Variants in MACROD2 observed in about 807,000 individuals in gnomAD.
MACROD2 encodes the protein mono-ADP ribosylhydrolase 2.
Under a neutral mutation model 70.4 loss-of-function variants are expected in MACROD2, and 36 were observed. The ratio of observed to expected loss-of-function variants is 0.51; its 90% CI spans 0.39 to 0.68. The LOEUF (loss-of-function observed/expected upper bound fraction) is 0.68, where lower values mean the gene tolerates loss of function less well. Ranked by LOEUF, MACROD2 falls within the 30% of genes least tolerant of loss-of-function variation. MACROD2 has a pLI of 0.00. For synonymous variants in MACROD2, 172 were observed against 178.8 expected (o/e 0.96, Z 0.30); for missense variants, 496 against 538.4 (o/e 0.92, Z 0.78).
At chr20:15,818,029 C>G (rs2063896482) in intron 8 of MACROD2, among the ~76,000 whole-genome samples, 3 of 152,088 alleles carry the variant, frequency 2.0e-5, no homozygotes, top group Admixed American at 2.0e-4. Context: ...TTGGGGAACC[C>G]TTGCTCATTG....
intron 6 of MACROD2, among the ~76,000 whole-genome samples, chr20:15,365,114 C>T (rs2045389860): frequency 6.6e-6 from 1 of 151,882 alleles, no homozygotes; most frequent in Non-Finnish European, 1.5e-5. Flanking sequence ...TTGTACCACA[C>T]ATTAGTTTTT....
At chr20:14,443,362 T>A (rs2084147497) in intron 3 of MACROD2, among the ~76,000 whole-genome samples, 1 of 149,788 alleles carries the variant, frequency 6.7e-6, no homozygotes, top group Middle Eastern at 3.2e-3. Context: ...AGTGGCATAA[T>A]CTCGGCTCAC....
At chr20:14,157,205 G>C (rs77622941) in intron 3 of MACROD2, among the ~76,000 whole-genome samples, 2 of 152,130 alleles carry the variant, frequency 1.3e-5, no homozygotes, top group East Asian at 3.8e-4. Flanking sequence ...GCAAGGTATA[G>C]TAGCGCTGAA....
chr20:14,652,698 A>T (rs1985739631), intron 4 of MACROD2, among the ~76,000 whole-genome samples: 1 of 152,218 alleles, frequency 6.6e-6, no homozygotes, highest in Non-Finnish European at 1.5e-5. Context: ...AAAGATGGCA[A>T]AATGACTATG....
chr20:15,460,231 G>T lies in MACROD2; in HGVS notation c.571+28796G>T, dbSNP rs541613134. 2.0e-5 allele frequency among the ~76,000 whole-genome samples: 3 copies of T among 152,216 alleles called. No homozygotes were observed. The South Asian group carries it at 6.2e-4, about 32-fold the overall frequency. ...CCCAGAAACTTTTCATAAGAAGGAG[G>T]TGCAGGTAACACATCCCTTTTCAGT... On this transcript the variant is annotated intron_variant, in intron 7 of 17. Transcript: ENST00000684519.
In MACROD2 at chr20:15,600,783, GA is replaced by G. The variant is rs542119687; in HGVS notation, c.645+100944del. ...TGTGGAGAATATGCTGATATCTGCAGAAAAAAAATGCAGTGGCAGAGAAGAG... is the reference window on the plus strand; with the variant it reads ...TGTGGAGAATATGCTGATATCTGCAGAAAAAAATGCAGTGGCAGAGAAGAG... On this transcript the variant is annotated intron_variant, in intron 8 of 17. Transcript: ENST00000684519. Among the ~76,000 whole-genome samples the G allele has an allele frequency of 7.6e-4, 116 of 152,038 alleles. 1 individual carries two copies. Among genetic ancestry groups the G allele is most frequent in the East Asian group, 7.3e-3 (38 of 5,174 alleles).
chr20:15,090,741 G>A (rs981198358), intron 5 of MACROD2, among the ~76,000 whole-genome samples: 1 of 152,016 alleles, frequency 6.6e-6, no homozygotes. Context: ...AGAAGCCCAT[G>A]CAGGAGAATA....
intron 6 of MACROD2, among the ~76,000 whole-genome samples, chr20:15,342,280 T>C (rs6034160): frequency 0.18 from 27,457 of 152,182 alleles, 2,751 homozygotes; most frequent in Non-Finnish European, 0.23. Context: ...ACAAATGGCC[T>C]CCAGAAGTTA....
chr20:14,079,010 A>T (rs889175132), intron 2 of MACROD2, among the ~76,000 whole-genome samples: 1 of 152,216 alleles, frequency 6.6e-6, no homozygotes, highest in African/African-American at 2.4e-5. Context: ...TATTATTTAA[A>T]TATTTAAATA....
At chr20:14,609,933 G>A (rs970229) in intron 4 of MACROD2, among the ~76,000 whole-genome samples, 17,003 of 152,112 alleles carry the variant, frequency 0.11, 1,370 homozygotes, top group South Asian at 0.33. Context: ...TCCCTTTCCA[G>A]TGAATGAGTA....
chr20:14,667,686 G>A (rs2070750520), intron 4 of MACROD2, among the ~76,000 whole-genome samples: 2 of 152,118 alleles, frequency 1.3e-5, no homozygotes, highest in African/African-American at 4.8e-5. Flanking sequence ...ATTTCGATGA[G>A]CTGCAGGATT....
chr20:15,337,023 A>G (rs2078056250), intron 6 of MACROD2, among the ~76,000 whole-genome samples: 1 of 151,714 alleles, frequency 6.6e-6, no homozygotes, highest in Admixed American at 6.6e-5. Flanking sequence ...CACTTTCTGC[A>G]TCTTTCTGAA....
At chr20:15,468,053 C>T (rs921447474) in intron 7 of MACROD2, among the ~76,000 whole-genome samples, 22 of 152,174 alleles carry the variant, frequency 1.4e-4, no homozygotes, top group African/African-American at 5.1e-4. Flanking sequence ...TAGACCTTTA[C>T]TCTTTAGATG....
intron 4 of MACROD2, among the ~76,000 whole-genome samples, chr20:14,536,822 C>CT (rs1312491893): frequency 6.6e-6 from 1 of 152,198 alleles, no homozygotes; most frequent in East Asian, 1.9e-4. Flanking sequence ...TGGTGCCCAT[C>CT]TGCAGTAAAT....
Position 14,811,557 on chromosome 20 carries a change from A to G in MACROD2, c.418+126598A>G, listed in dbSNP as rs778438626. ...TGACTAAAGCACCAAAAGCAATGGC[A>G]ACAAAAGCCAAAATTGACAAATGGG... On this transcript the variant is annotated intron_variant, in intron 5 of 17. Coordinates refer to ENST00000684519, the MANE Select transcript of MACROD2 (RefSeq NM_001351661.2). 1.6e-4 allele frequency among the ~76,000 whole-genome samples: 24 copies of G among 152,176 alleles called. 1 individual carries two copies. Among genetic ancestry groups the G allele is most frequent in the Non-Finnish European group, 3.1e-4 (21 of 68,018 alleles).
At chr20:15,327,793 G>A (rs2077947564) in intron 6 of MACROD2, among the ~76,000 whole-genome samples, 1 of 152,036 alleles carries the variant, frequency 6.6e-6, no homozygotes, top group Admixed American at 6.6e-5. Flanking sequence ...TCACTATCAT[G>A]TGATGGATGA....
chr20:14,169,318 G>T (rs1404028727), intron 3 of MACROD2, among the ~76,000 whole-genome samples: 3 of 151,700 alleles, frequency 2.0e-5, no homozygotes, highest in Admixed American at 1.3e-4. Context: ...TTGGGGGGGG[G>T]CGGTGGACAG....
intron 4 of MACROD2, among the ~76,000 whole-genome samples, chr20:14,501,390 T>C (rs1271672257): frequency 6.6e-6 from 1 of 152,116 alleles, no homozygotes; most frequent in African/African-American, 2.4e-5. Flanking sequence ...TAATAATTTG[T>C]CTTTTACATA....
intron 7 of MACROD2, among the ~76,000 whole-genome samples, chr20:15,494,044 G>A (rs543773389): frequency 7.1e-4 from 108 of 152,344 alleles, no homozygotes; most frequent in African/African-American, 2.4e-3. Flanking sequence ...GCTTTGCAGC[G>A]AGAAGACAGG....
Sources: gnomAD v4.1 joint callset for allele counts (sites outside exome capture counted in the v4.1 genomes callset) on GRCh38, gnomAD v4.1.1 for gene constraint, MANE v1.5 for transcripts, NCBI Gene and HGNC (gene_info 2026-07-23, HGNC 2026-07-21) for gene names.